USH2A: variants seen among roughly 807,000 people sequenced by gnomAD.
The protein encoded by USH2A is usherin, also known as Usher syndrome 2A (autosomal recessive, mild).
USH2A carries 443 observed loss-of-function variants against 538.9 expected under a neutral mutation model. The observed-to-expected ratio is 0.82, with a 90% confidence interval of 0.76 to 0.89. The LOEUF is 0.89. Ranked by LOEUF, USH2A falls within the 40% of genes least tolerant of loss-of-function variation. The pLI is 0.00. For synonymous variants in USH2A, 2,413 were observed against 2,273.5 expected (o/e 1.06, Z -1.75); for missense variants, 6,633 against 6,324.8 (o/e 1.05, Z -1.65).
intron 38 of USH2A, among the ~76,000 whole-genome samples, chr1:215,934,131 G>A (rs1464118607): frequency 1.3e-5 from 2 of 151,900 alleles, no homozygotes; most frequent in Non-Finnish European, 2.9e-5. Context: ...TAGTGCAAAT[G>A]GAATTTTCCT....
chr1:216,312,777 G>A, intron 9 of USH2A, among the ~76,000 whole-genome samples: 1 of 152,034 alleles, frequency 6.6e-6, no homozygotes, highest in East Asian at 1.9e-4. Flanking sequence ...TCCTTTCCAT[G>A]TCTGAGTCTC....
At chr1:215,806,268 T>C (rs982251242) in intron 49 of USH2A, among the ~76,000 whole-genome samples, 1 of 152,118 alleles carries the variant, frequency 6.6e-6, no homozygotes, top group East Asian at 1.9e-4. Flanking sequence ...TCAACATATT[T>C]TTTGTTTAGT....
chr1:216,022,850 C>G (rs1005317754), intron 32 of USH2A, among the ~76,000 whole-genome samples: 2 of 152,166 alleles, frequency 1.3e-5, no homozygotes, highest in African/African-American at 4.8e-5. Flanking sequence ...AGTGGGAGAG[C>G]TCAGGTACCT....
At chr1:215,923,687 G>A (rs766311440) in intron 38 of USH2A, among the ~76,000 whole-genome samples, 1 of 152,068 alleles carries the variant, frequency 6.6e-6, no homozygotes, top group Non-Finnish European at 1.5e-5. Context: ...GTCATCAAAA[G>A]AAAGGGTGAA....
intron 32 of USH2A, among the ~76,000 whole-genome samples, chr1:216,002,235 T>A (rs1222407337): frequency 6.6e-6 from 1 of 152,190 alleles, no homozygotes; most frequent in East Asian, 1.9e-4. Context: ...GAGAAAACTT[T>A]ATGCAAAGAA....
chr1:215,996,708 T>C (rs1379232584), intron 34 of USH2A, among the ~76,000 whole-genome samples: 2 of 151,910 alleles, frequency 1.3e-5, no homozygotes, highest in Non-Finnish European at 2.9e-5. Context: ...ATGTCCTTGG[T>C]GATCATTCAT....
intron 55 of USH2A, among the ~76,000 whole-genome samples, chr1:215,773,667 A>T (rs1571672710): frequency 6.6e-6 from 1 of 152,198 alleles, no homozygotes; most frequent in East Asian, 1.9e-4. Flanking sequence ...GCCCCAGAGT[A>T]TATACCCAGA....
intron 61 of USH2A, among the ~76,000 whole-genome samples, chr1:215,720,655 G>A (rs1286754349): frequency 6.6e-6 from 1 of 152,154 alleles, no homozygotes; most frequent in Non-Finnish European, 1.5e-5. Flanking sequence ...AATGAGTTTT[G>A]TCAACGTGAT....
At position 215,836,565 on chromosome 1, in the gene USH2A, A is replaced by ATTTT. The variant is rs71159886; in HGVS notation, c.9371+1422_9371+1425dup. On this transcript the variant is annotated intron_variant, in intron 47 of 71. Coordinates refer to ENST00000307340, the MANE Select transcript of USH2A (RefSeq NM_206933.4). The stretch of plus-strand genomic sequence containing the variant: ...ATAATATATATATATATATATATAT[A>ATTTT]TTTTTTTTTGAGACAGAGTATCACT... 6.4e-4 allele frequency among the ~76,000 whole-genome samples: 21 copies of ATTTT among 32,878 alleles called. 3 individuals are homozygous for ATTTT. The East Asian group carries it at 6.6e-3, about 10-fold the overall frequency. The allele number at this position is 32,878 out of a possible 152,430, so 21.6% of individuals were successfully genotyped here.
rs1241916861 is a variant in USH2A, at chr1:216,073,213, T to C, written c.5660A>G (p.Asn1887Ser). ...GTCAGTTGATAGGCATCCATCCAGA[T>C]TGACTCTGACAGCACCGCTGGACAC... ...ASVSSGAVRV[N>S]LDGCLSTDSA... Residue 1887 changes from asparagine (N) to serine (S), a missense_variant, in exon 28 of 72, where the codon AAT (asparagine) becomes AGT (serine). By Grantham distance (46) the Asn-to-Ser change is conservative. Coordinates refer to ENST00000307340, the MANE Select transcript of USH2A (RefSeq NM_206933.4). The C allele has an allele frequency of 3.7e-6, 6 of 1,613,792 alleles. No individual in the cohort carries two copies. The African/African-American group carries it at 4.0e-5, about 11-fold the overall frequency.
At chr1:215,885,330 A>G (rs963969383) in intron 41 of USH2A, among the ~76,000 whole-genome samples, 1 of 152,102 alleles carries the variant, frequency 6.6e-6, no homozygotes, top group Non-Finnish European at 1.5e-5. Context: ...AATGAAATCA[A>G]TTTGTCCTTG....
intron 61 of USH2A, among the ~76,000 whole-genome samples, chr1:215,718,207 C>T (rs1384663952): frequency 6.6e-6 from 1 of 152,128 alleles, no homozygotes; most frequent in East Asian, 1.9e-4. Flanking sequence ...TATGTATTCA[C>T]AGGTGGTGGG....
chr1:215,726,032 GA>G (rs1272761031), intron 61 of USH2A, among the ~76,000 whole-genome samples: 2 of 152,154 alleles, frequency 1.3e-5, no homozygotes, highest in Non-Finnish European at 2.9e-5. Context: ...TCCTACCCCT[GA>G]AAGTTGTATT....
At chr1:216,226,225 T>C (rs1572067575) in intron 14 of USH2A, among the ~76,000 whole-genome samples, 2 of 152,220 alleles carry the variant, frequency 1.3e-5, no homozygotes, top group East Asian at 3.8e-4. Context: ...CCATGTTCCA[T>C]GTGGATATAA....
chr1:216,037,926 A>G (rs145475115), intron 32 of USH2A, among the ~76,000 whole-genome samples: 1,566 of 152,020 alleles, frequency 0.01, 28 homozygotes, highest in African/African-American at 0.036. Context: ...CTTATAAGTG[A>G]GAACATGTGG....
At chr1:215,698,141 T>C (rs750049510) in intron 61 of USH2A, among the ~76,000 whole-genome samples, 7 of 152,252 alleles carry the variant, frequency 4.6e-5, no homozygotes, top group African/African-American at 7.2e-5. Flanking sequence ...TCCATGTCCC[T>C]GCAGAGGACA....
chr1:215,778,031 G>A (rs1661513567), intron 55 of USH2A, among the ~76,000 whole-genome samples: 1 of 151,028 alleles, frequency 6.6e-6, no homozygotes, highest in Admixed American at 6.6e-5. Flanking sequence ...ATTCAAATAT[G>A]AGGGCTTCTC....
At chr1:216,409,081 A>G (rs1212607820) in intron 3 of USH2A, among the ~76,000 whole-genome samples, 1 of 152,202 alleles carries the variant, frequency 6.6e-6, no homozygotes, top group Non-Finnish European at 1.5e-5. Context: ...ACACAGTTTA[A>G]TAACAGCTAC....
At chr1:215,662,253 A>G (rs1657460231) in intron 64 of USH2A, among the ~76,000 whole-genome samples, 1 of 152,214 alleles carries the variant, frequency 6.6e-6, no homozygotes, top group East Asian at 1.9e-4. Flanking sequence ...CTGGAATGGC[A>G]TATTATCTAC....
Sources: gnomAD v4.1 joint callset for allele counts (sites outside exome capture counted in the v4.1 genomes callset) on GRCh38, gnomAD v4.1.1 for gene constraint, MANE v1.5 for transcripts, NCBI Gene and HGNC (gene_info 2026-07-23, HGNC 2026-07-21) for gene names.